Variants in SASS6 observed in about 807,000 individuals in gnomAD.
SASS6 encodes spindle assembly abnormal protein 6 homolog.
A neutral mutation model predicts 94.9 loss-of-function variants in SASS6; 59 were observed. That is an observed-to-expected ratio of 0.62 (90% CI 0.50 to 0.77). The LOEUF (loss-of-function observed/expected upper bound fraction) is 0.77, where lower values mean the gene tolerates loss of function less well. Ranked by LOEUF, SASS6 falls within the 30% of genes least tolerant of loss-of-function variation. The pLI, the probability that SASS6 is intolerant of heterozygous loss-of-function variation, is 0.00. For synonymous variants in SASS6, 264 were observed against 270.0 expected, an observed-to-expected ratio of 0.98 and a Z score of 0.22; for missense variants, 698 against 734.1, an observed-to-expected ratio of 0.95 and a Z score of 0.57.
chr1:100,106,180 C>G (rs1218210963), intron 12 of SASS6, among the ~76,000 whole-genome samples: 1 of 152,096 alleles, frequency 6.6e-6, no homozygotes, highest in African/African-American at 2.4e-5. Context: ...GAATATCTTA[C>G]AGTTTACTTA....
intron 7 of SASS6, among the ~76,000 whole-genome samples, chr1:100,114,307 TC>T (rs932494187): frequency 2.6e-5 from 4 of 151,954 alleles, no homozygotes; most frequent in African/African-American, 9.7e-5. Context: ...AATACCATAG[TC>T]TATAACCCAC....
chr1:100,132,608 C>G (rs1446385716), intron 1 of SASS6, 142 bp downstream of exon 1: 1 of 746,736 alleles, frequency 1.3e-6, no homozygotes, highest in Admixed American at 2.1e-5. Flanking sequence ...ACCACCGGGC[C>G]CTCTGGGTTC....
Position 100,131,975 on chromosome 1 carries a change from G to C in SASS6, c.65+775C>G, listed in dbSNP as rs373396784. Among the ~76,000 whole-genome samples the C allele has an allele frequency of 2.0e-5, 3 of 151,290 alleles. No homozygotes were observed. In the South Asian group the frequency reaches 6.2e-4, roughly 31 times the overall value. On this transcript the variant is annotated intron_variant, in intron 1 of 16. Coordinates refer to ENST00000287482, the MANE Select transcript of SASS6 (RefSeq NM_194292.3). ...AAAAAGAGACAACCATTGAGTGTTA[G>C]AACTGAGAAAAAAAAAGTAAGTCTC...
intron 1 of SASS6, among the ~76,000 whole-genome samples, chr1:100,132,028 C>T (rs1655077513): frequency 1.3e-5 from 2 of 152,116 alleles, no homozygotes; most frequent in African/African-American, 4.8e-5. Flanking sequence ...CTATTTACGC[C>T]CCAATAATAC....
At chr1:100,103,905 T>C (rs1278151429) in intron 13 of SASS6, among the ~76,000 whole-genome samples, 3 of 152,336 alleles carry the variant, frequency 2.0e-5, no homozygotes, top group Non-Finnish European at 4.4e-5. Context: ...TGTATAGATA[T>C]ACGAGCTAGA....
chr1:100,097,444 T>C (rs12031805), intron 14 of SASS6, among the ~76,000 whole-genome samples: 50,414 of 152,008 alleles, frequency 0.33, 10,335 homozygotes, highest in East Asian at 0.59. Context: ...ATCAATACAA[T>C]GAAATACTAC....
chr1:100,099,009 T>A (rs925496528), intron 14 of SASS6, among the ~76,000 whole-genome samples: 5 of 152,210 alleles, frequency 3.3e-5, no homozygotes, highest in Admixed American at 3.3e-4. Flanking sequence ...TAGGGACTTT[T>A]AGATAGTACA....
rs531493581 is a variant in SASS6, at chr1:100,100,629, A to G, written c.1674+2326T>C. On this transcript the variant is annotated intron_variant, in intron 14 of 16. Coordinates refer to ENST00000287482, the MANE Select transcript of SASS6 (RefSeq NM_194292.3). ...TTTCAGCATTATTTTGTTTCTTGCCAAATTTCTCATGTTATTTTACATTCC... is the reference window on the plus strand; with the variant it reads ...TTTCAGCATTATTTTGTTTCTTGCCGAATTTCTCATGTTATTTTACATTCC... 2.0e-4 allele frequency among the ~76,000 whole-genome samples: 31 copies of G among 152,354 alleles called. 1 individual carries two copies. The highest frequency in any genetic ancestry group is 7.5e-4 in the African/African-American group (31 of 41,588).
At chr1:100,095,895 T>C (rs539873928) in intron 14 of SASS6, among the ~76,000 whole-genome samples, 1 of 152,200 alleles carries the variant, frequency 6.6e-6, no homozygotes, top group African/African-American at 2.4e-5. Context: ...AAAACATTAC[T>C]GAGAGAAAGT....
intron 2 of SASS6, among the ~76,000 whole-genome samples, chr1:100,125,669 CAAA>C (rs11299065): frequency 0.013 from 1,059 of 80,368 alleles, 10 homozygotes; most frequent in Non-Finnish European, 0.021. Flanking sequence ...GACTCCATCT[CAAA>C]AAAAAAAAAA....
At chr1:100,095,514 C>T (rs1218343717) in intron 14 of SASS6, among the ~76,000 whole-genome samples, 10 of 152,138 alleles carry the variant, frequency 6.6e-5, no homozygotes, top group Non-Finnish European at 4.4e-5. Context: ...GGCTAGGTGA[C>T]ACTAAGACTC....
At position 100,102,367 on chromosome 1, in the gene SASS6, T is replaced by C. The variant is rs114829207; in HGVS notation, c.1674+588A>G. On this transcript the variant is annotated intron_variant, in intron 14 of 16. Transcript: ENST00000287482. ...GGCCTGAGAGCGTAGGAGACACAAG[T>C]AGAAGAATGAATAAAAACGGAAAGG... 2.3e-3 allele frequency among the ~76,000 whole-genome samples: 349 copies of C among 151,914 alleles called. 1 individual carries two copies. The highest frequency in any genetic ancestry group is 7.6e-3 in the African/African-American group (313 of 41,424).
At chr1:100,104,124 T>C (rs1032345433) in intron 13 of SASS6, among the ~76,000 whole-genome samples, 2 of 152,140 alleles carry the variant, frequency 1.3e-5, no homozygotes, top group Non-Finnish European at 2.9e-5. Flanking sequence ...TCCTATCTAA[T>C]AAAGCAAGAG....
chr1:100,125,373 C>T (rs543862881), intron 2 of SASS6, among the ~76,000 whole-genome samples: 16 of 151,300 alleles, frequency 1.1e-4, no homozygotes, highest in African/African-American at 3.9e-4. Flanking sequence ...CAATTTTTCA[C>T]GTATGTTTTA....
At chr1:100,090,753 A>G (rs1651614396) in intron 14 of SASS6, among the ~76,000 whole-genome samples, 1 of 152,034 alleles carries the variant, frequency 6.6e-6, no homozygotes. Context: ...CTAGGCCTAT[A>G]TTTTCTAGCC....
At chr1:100,116,921 T>A (rs915810035) in intron 7 of SASS6, among the ~76,000 whole-genome samples, 1 of 152,014 alleles carries the variant, frequency 6.6e-6, no homozygotes, top group African/African-American at 2.4e-5. Flanking sequence ...AGTTACACAT[T>A]TAAAAAAATC....
chr1:100,119,653 C>T (rs1654031471), intron 6 of SASS6, among the ~76,000 whole-genome samples: 1 of 152,112 alleles, frequency 6.6e-6, no homozygotes, highest in Non-Finnish European at 1.5e-5. Flanking sequence ...AGTGCCATTC[C>T]CTTGGTGTTA....
chr1:100,114,993 A>G (rs1653679043), intron 7 of SASS6, among the ~76,000 whole-genome samples: 1 of 152,196 alleles, frequency 6.6e-6, no homozygotes, highest in Admixed American at 6.5e-5. Flanking sequence ...CTTTCTCTCA[A>G]ATGCAAAGCA....
intron 6 of SASS6, 83 bp from the exon 7 acceptor site, chr1:100,119,220 G>T: frequency 1.4e-6 from 1 of 721,760 alleles, no homozygotes; most frequent in South Asian, 4.1e-5. Context: ...ATATTTACAA[G>T]GATATTAAAG....
Sources: gnomAD v4.1 joint callset for allele counts (sites outside exome capture counted in the v4.1 genomes callset) on GRCh38, gnomAD v4.1.1 for gene constraint, MANE v1.5 for transcripts, NCBI Gene and HGNC (gene_info 2026-07-23, HGNC 2026-07-21) for gene names.